Variants in LEKR1 observed in about 807,000 individuals in gnomAD.
The protein encoded by LEKR1 is protein LEKR1.
A neutral mutation model predicts 72.4 loss-of-function variants in LEKR1; 59 were observed. The observed-to-expected ratio is 0.82, with a 90% CI of 0.66 to 1.01. The LOEUF (loss-of-function observed/expected upper bound fraction) is 1.01. Among genes scored for constraint, LEKR1 ranks in the 50% least tolerant of loss-of-function variants. The pLI, the probability that LEKR1 is intolerant of heterozygous loss-of-function variation, is 0.00. For missense variants in LEKR1, 728 were observed against 759.2 expected (o/e 0.96, Z 0.48); for synonymous variants, 257 against 263.2 (o/e 0.98, Z 0.23).
intron 6 of LEKR1, among the ~76,000 whole-genome samples, chr3:156,949,868 T>C (rs899855334): frequency 6.6e-6 from 1 of 151,290 alleles, no homozygotes; most frequent in Non-Finnish European, 1.5e-5. Flanking sequence ...CTTTGTCAGA[T>C]TGTGGTTACA....
chr3:157,036,585 C>T (rs1435295659), intron 12 of LEKR1, among the ~76,000 whole-genome samples: 1 of 151,914 alleles, frequency 6.6e-6, no homozygotes, highest in Non-Finnish European at 1.5e-5. Flanking sequence ...AGATATATGA[C>T]AGCACAATGA....
At chr3:156,898,316 T>C (rs1437493818) in intron 3 of LEKR1, among the ~76,000 whole-genome samples, 1 of 152,078 alleles carries the variant, frequency 6.6e-6, no homozygotes, top group Non-Finnish European at 1.5e-5. Flanking sequence ...ACCCATCTGA[T>C]GAGAATTTAT....
chr3:156,867,050 A>G (rs559552740), intron 3 of LEKR1, among the ~76,000 whole-genome samples: 7 of 152,242 alleles, frequency 4.6e-5, no homozygotes, highest in African/African-American at 1.7e-4. Flanking sequence ...TTAAAGAGAT[A>G]CATAAACATT....
At chr3:156,986,687 A>G (rs149872725) in intron 7 of LEKR1, among the ~76,000 whole-genome samples, 9 of 152,352 alleles carry the variant, frequency 5.9e-5, no homozygotes, top group Admixed American at 4.6e-4. Context: ...AGTTACGTCA[A>G]CTTGGGCAAG....
At chr3:156,999,460 C>T (rs1010527951) in intron 9 of LEKR1, among the ~76,000 whole-genome samples, 6 of 152,176 alleles carry the variant, frequency 3.9e-5, no homozygotes, top group South Asian at 2.1e-4. Context: ...TTCACCTATC[C>T]GCAGGTTTCA....
At chr3:156,973,328 A>T (rs1729407055) in intron 6 of LEKR1, among the ~76,000 whole-genome samples, 1 of 152,130 alleles carries the variant, frequency 6.6e-6, no homozygotes. Flanking sequence ...CCTGGTACAT[A>T]GTAAGTATTC....
At chr3:156,966,935 A>G (rs945697652) in intron 6 of LEKR1, among the ~76,000 whole-genome samples, 14 of 152,208 alleles carry the variant, frequency 9.2e-5, no homozygotes, top group Non-Finnish European at 1.8e-4. Flanking sequence ...CAAAACTTCC[A>G]GAGGAACGAT....
At chr3:156,844,836 G>A (rs1207726384) in intron 2 of LEKR1, among the ~76,000 whole-genome samples, 1 of 150,586 alleles carries the variant, frequency 6.6e-6, no homozygotes, top group Non-Finnish European at 1.5e-5. Context: ...TCATTTATGT[G>A]AACATACATT....
chr3:156,892,259 T>C (rs781297499), intron 3 of LEKR1, among the ~76,000 whole-genome samples: 10 of 152,108 alleles, frequency 6.6e-5, no homozygotes, highest in Non-Finnish European at 1.3e-4. Context: ...ATTGATGTTA[T>C]ATATCAATGA....
chr3:157,015,424 T>C (rs1344820129), intron 10 of LEKR1, among the ~76,000 whole-genome samples: 2 of 152,200 alleles, frequency 1.3e-5, no homozygotes, highest in Admixed American at 6.5e-5. Flanking sequence ...GCCAGACTGG[T>C]AAACCTGTAA....
At chr3:156,861,092 A>G (rs1304125813) in intron 3 of LEKR1, among the ~76,000 whole-genome samples, 3 of 152,156 alleles carry the variant, frequency 2.0e-5, no homozygotes, top group Non-Finnish European at 4.4e-5. Flanking sequence ...CTGAAACAAT[A>G]TCAGGTACTG....
At position 156,829,327 on chromosome 3, in the gene LEKR1, G is replaced by C. The variant is rs1285714697; in HGVS notation, c.-3G>C. The C allele has an allele frequency of 6.5e-7, 1 of 1,531,636 alleles. No homozygotes were observed. 94.9% of individuals were successfully genotyped at this position (1,531,636 alleles called of 1,614,324 possible). On this transcript the variant is annotated 5_prime_UTR_variant, in exon 2 of 13. Coordinates refer to ENST00000356539, the MANE Select transcript of LEKR1 (RefSeq NM_001004316.3). ...AAGCTCTCTCACCATATTTTGGGAAGTTATGGATCATCACATTCCCATGCA... is the reference window on the plus strand; with the variant it reads ...AAGCTCTCTCACCATATTTTGGGAACTTATGGATCATCACATTCCCATGCA...
intron 5 of LEKR1, among the ~76,000 whole-genome samples, chr3:156,930,255 G>T (rs570020246): frequency 1.2e-3 from 177 of 152,138 alleles, no homozygotes; most frequent in African/African-American, 4.1e-3. Flanking sequence ...GAAAAAAAAT[G>T]AATGGAGCCC....
intron 3 of LEKR1, among the ~76,000 whole-genome samples, chr3:156,888,868 CA>C (rs1393647393): frequency 6.6e-6 from 1 of 152,096 alleles, no homozygotes; most frequent in Non-Finnish European, 1.5e-5. Context: ...AGCTGAAAAA[CA>C]AAACATACTT....
At chr3:157,032,820 T>C (rs866768199) in intron 12 of LEKR1, among the ~76,000 whole-genome samples, 21 of 151,844 alleles carry the variant, frequency 1.4e-4, no homozygotes, top group African/African-American at 4.8e-4. Flanking sequence ...GGTTTTTTTT[T>C]CCCCACAAAT....
At chr3:157,045,289 T>G (rs754711005) in intron 12 of LEKR1, 51 bp from the exon 13 acceptor site, 2 of 1,434,972 alleles carry the variant, frequency 1.4e-6, no homozygotes, top group Non-Finnish European at 1.9e-6. Flanking sequence ...TATCTACTTA[T>G]GTACATTGTT....
At chr3:156,904,986 A>G (rs1280624612) in intron 3 of LEKR1, among the ~76,000 whole-genome samples, 1 of 152,154 alleles carries the variant, frequency 6.6e-6, no homozygotes, top group African/African-American at 2.4e-5. Context: ...TAGAGCTCAA[A>G]TTCGATTTAA....
chr3:156,885,756 G>A (rs527643282), intron 3 of LEKR1, among the ~76,000 whole-genome samples: 53 of 152,378 alleles, frequency 3.5e-4, no homozygotes, highest in Admixed American at 2.3e-3. Flanking sequence ...TATGCTAGCA[G>A]TGAAGCTGTC....
intron 9 of LEKR1, among the ~76,000 whole-genome samples, chr3:156,996,015 T>C (rs1238147630): frequency 2.0e-5 from 3 of 152,052 alleles, no homozygotes; most frequent in African/African-American, 4.8e-5. Context: ...TAAATATTTG[T>C]TGCATGAGTG....
Sources: gnomAD v4.1 joint callset for allele counts (sites outside exome capture counted in the v4.1 genomes callset) on GRCh38, gnomAD v4.1.1 for gene constraint, MANE v1.5 for transcripts, NCBI Gene and HGNC (gene_info 2026-07-23, HGNC 2026-07-21) for gene names.